NKAIN4: variants seen among roughly 807,000 people sequenced by gnomAD.
NKAIN4 encodes sodium/potassium-transporting ATPase subunit beta-1-interacting protein 4.
Under a neutral mutation model 28.8 loss-of-function variants are expected in NKAIN4, and 28 were observed. That is an observed-to-expected ratio of 0.97 (90% confidence interval 0.72 to 1.33). The LOEUF is 1.33. NKAIN4 is among the 40% of genes most tolerant of loss of function. The pLI, the probability that NKAIN4 is intolerant of heterozygous loss-of-function variation, is 0.00. For missense variants in NKAIN4, 289 were observed against 277.2 expected, an observed-to-expected ratio of 1.04 and a Z score of -0.30; for synonymous variants, 122 against 115.6, an observed-to-expected ratio of 1.06 and a Z score of -0.36.
chr20:63,243,921 C>G, intron 5 of NKAIN4, 103 bp downstream of exon 5: 1 of 957,886 alleles, frequency 1.0e-6, no homozygotes, highest in South Asian at 1.5e-5. Flanking sequence ...GAGGTCCCTT[C>G]CAAGTGGGGA....
At chr20:63,254,156 G>A in intron 1 of NKAIN4, 1 of 424,848 alleles carries the variant, frequency 2.4e-6, no homozygotes, top group Non-Finnish European at 4.1e-6. Flanking sequence ...CCGCCGCTCC[G>A]GACCCGCGGC....
At chr20:63,244,596 C>T (rs2066822297) in intron 4 of NKAIN4, 3 of 468,564 alleles carry the variant, frequency 6.4e-6, no homozygotes, top group Admixed American at 4.7e-5. Flanking sequence ...ACTCGGGGTC[C>T]AGCGGGCAAC....
rs545051023 is a variant in NKAIN4 at position 63,252,493 on chromosome 20, G to A, written c.54+1904C>T. The stretch of plus-strand genomic sequence containing the variant: ...AAAAAAGGGGCTATCCAACAACCCC[G>A]CCCTTCCTCCCGGGCCCCCTACCCC... On this transcript the variant is annotated intron_variant, in intron 1 of 6. Transcript: ENST00000370316. The surrounding 1 kb of genome is among the most constrained non-coding windows in gnomAD (Gnocchi z 4.6). 1.5e-4 allele frequency among the ~76,000 whole-genome samples: 23 copies of A among 150,848 alleles called. No individual in the cohort carries two copies. Among genetic ancestry groups the A allele is most frequent in the African/African-American group, 5.6e-4 (23 of 41,214 alleles).
At chr20:63,254,345 G>T in intron 1 of NKAIN4, 52 bp downstream of exon 1, 1 of 1,372,636 alleles carries the variant, frequency 7.3e-7, no homozygotes, top group Non-Finnish European at 9.5e-7. Context: ...CACAGCCGCC[G>T]TGGGTCGGGC....
intron 6 of NKAIN4, 57 bp downstream of exon 6, chr20:63,242,482 T>C: frequency 7.9e-7 from 1 of 1,258,536 alleles, no homozygotes; most frequent in East Asian, 2.3e-5. Flanking sequence ...AGCCTCTCGC[T>C]GTGAGGGCCA....
intron 4 of NKAIN4, 107 bp downstream of exon 4, chr20:63,247,471 C>T: frequency 1.0e-5 from 16 of 1,547,702 alleles, no homozygotes; most frequent in Non-Finnish European, 1.4e-5. Context: ...CAGAGACACG[C>T]CTGAGGCCAG....
chr20:63,246,203 C>T (rs1051044954), intron 4 of NKAIN4, among the ~76,000 whole-genome samples: 1 of 152,224 alleles, frequency 6.6e-6, no homozygotes, highest in Non-Finnish European at 1.5e-5. Context: ...GCTGGGATTA[C>T]AGGTGTGAGC....
intron 2 of NKAIN4, 24 bp from the exon 3 acceptor site, chr20:63,248,919 G>A (rs548261932): frequency 2.0e-5 from 31 of 1,563,870 alleles, no homozygotes; most frequent in Middle Eastern, 1.7e-4. Flanking sequence ...AGGATGGGGC[G>A]GCAGCTGAAC....
intron 3 of NKAIN4, chr20:63,248,153 C>T (rs1281513432): frequency 1.6e-5 from 3 of 187,786 alleles, no homozygotes; most frequent in East Asian, 1.4e-4. Flanking sequence ...TTCCAGGAAG[C>T]GGGGGCCCGT....
chr20:63,247,212 G>C (rs1044738485), intron 4 of NKAIN4: 3 of 1,183,878 alleles, frequency 2.5e-6, no homozygotes, highest in Non-Finnish European at 3.2e-6. Flanking sequence ...GGCGGGACAC[G>C]CATGGATGGG....
At chr20:63,251,520 G>A (rs1355443725) in intron 1 of NKAIN4, among the ~76,000 whole-genome samples, 3 of 152,180 alleles carry the variant, frequency 2.0e-5, no homozygotes, top group Admixed American at 1.3e-4. Flanking sequence ...GGCAACGGGC[G>A]TCTTCCCAGA....
chr20:63,247,741 T>A lies in NKAIN4; in HGVS notation c.308A>T (p.His103Leu). Residue 103 changes from histidine to leucine, a missense_variant, in exon 4 of 7, where the codon CAT becomes CTT. By Grantham distance (99) the His-to-Leu change is moderately conservative. Coordinates refer to ENST00000370316, the MANE Select transcript of NKAIN4 (RefSeq NM_152864.4). The stretch of plus-strand genomic sequence containing the variant: ...CCAGCGCTCACGCCACCAGGAGCGA[T>A]GCCGGGAGAGGCTGAAGGTCAGTAG... ...SELLTFSLSR[H>L]RSWWRERWPG... 1 of 1,484,968 alleles carries A rather than the reference T, an allele frequency of 6.7e-7. No individual in the cohort carries two copies. The highest frequency in any genetic ancestry group is 9.0e-7 in the Non-Finnish European group (1 of 1,113,362). 92.0% of individuals were successfully genotyped at this position (1,484,968 alleles called of 1,614,324 possible). A position where few individuals can be genotyped will look rare whatever the true frequency, so the allele number is the denominator to read the frequency against.
chr20:63,248,814 C>A lies in NKAIN4; in HGVS notation c.273+1G>T, dbSNP rs922701691. On this transcript the variant is annotated splice_donor_variant, in intron 3 of 6. Coordinates refer to ENST00000370316, the MANE Select transcript of NKAIN4 (RefSeq NM_152864.4). LOFTEE classifies it high-confidence loss of function. ...CGCGCTGCCTCCCAGTCTGCACTCACCTTTAAGAGGCCACCGACTTCCAGG... is the reference window on the plus strand; with the variant it reads ...CGCGCTGCCTCCCAGTCTGCACTCAACTTTAAGAGGCCACCGACTTCCAGG... 8.7e-6 allele frequency: 14 copies of A among 1,609,228 alleles called. No homozygotes were observed. Among genetic ancestry groups the A allele is most frequent in the Non-Finnish European group, 8.5e-7 (1 of 1,176,990 alleles).
upstream of NKAIN4, chr20:63,254,571 C>CAT: frequency 2.8e-5 from 19 of 673,486 alleles, no homozygotes; most frequent in Middle Eastern, 4.8e-4. Flanking sequence ...CCCCCCTCCT[C>CAT]CCCGCAACCC....
intron 5 of NKAIN4, among the ~76,000 whole-genome samples, chr20:63,242,924 C>T (rs1255699322): frequency 2.0e-5 from 3 of 149,320 alleles, no homozygotes; most frequent in East Asian, 2.0e-4. Flanking sequence ...CCCGGGTCCT[C>T]GGCCTATGTG....
intron 1 of NKAIN4, among the ~76,000 whole-genome samples, chr20:63,250,349 C>T (rs960528349): frequency 6.6e-6 from 1 of 152,192 alleles, no homozygotes; most frequent in Non-Finnish European, 1.5e-5. Context: ...ACCGTCTGTC[C>T]CCGGTGAGCG....
chr20:63,248,846 C>G lies in NKAIN4; in HGVS notation c.242G>C (p.Cys81Ser). The part of the protein sequence containing the change: ...VWVTWNVFII[C>S]FYLEVGGLLK... The stretch of plus-strand genomic sequence containing the variant: ...GAGGCCACCGACTTCCAGGTAGAAG[C>G]AGATGATGAAGACGTTCCAGGTGAC... The change falls in exon 3 of 7, where the codon TGC (cysteine) becomes TCC (serine). Residue 81 changes from cysteine to serine, a missense_variant. Physicochemically the swap from Cys to Ser is moderately radical, Grantham distance 112. Coordinates refer to ENST00000370316, the MANE Select transcript of NKAIN4 (RefSeq NM_152864.4). The G allele has an allele frequency of 6.2e-7, 1 of 1,612,870 alleles. No homozygotes were observed. The highest frequency in any genetic ancestry group is 8.5e-7 in the Non-Finnish European group (1 of 1,179,838).
intron 4 of NKAIN4, chr20:63,246,697 TCCTCCAGCGACGGCA>T (rs983164122): frequency 3.4e-5 from 33 of 974,118 alleles, no homozygotes; most frequent in Non-Finnish European, 4.0e-5. Context: ...GGTCAGAAGT[TCCTCCAGCGACGGCA>T]CCAGCCGTGC....
chr20:63,247,413 C>T (rs1052390085), intron 4 of NKAIN4, 165 bp downstream of exon 4: 2 of 1,536,356 alleles, frequency 1.3e-6, no homozygotes, highest in Middle Eastern at 1.7e-4. Flanking sequence ...ACATGGGACC[C>T]ACCCGTGATA....
Sources: gnomAD v4.1 joint callset for allele counts (sites outside exome capture counted in the v4.1 genomes callset) on GRCh38, gnomAD v4.1.1 for gene constraint, Gnocchi (gnomAD v3.1) non-coding constraint, MANE v1.5 for transcripts, NCBI Gene and HGNC (gene_info 2026-07-23, HGNC 2026-07-21) for gene names.